TTPA: variants seen among roughly 807,000 people sequenced by gnomAD.
TTPA encodes the protein alpha-tocopherol transfer protein.
TTPA carries 23 observed loss-of-function variants against 25.9 expected under a neutral mutation model. That is an observed-to-expected ratio of 0.89 (90% confidence interval 0.64 to 1.26). The LOEUF is 1.26. TTPA is among the 50% of genes most tolerant of loss of function. The pLI is 0.00. For synonymous variants in TTPA, 148 were observed against 137.3 expected (o/e 1.08, Z -0.54); for missense variants, 337 against 353.1 (o/e 0.95, Z 0.37).
At chr8:63,078,628 A>G (rs1231287010) in intron 1 of TTPA, among the ~76,000 whole-genome samples, 1 of 152,218 alleles carries the variant, frequency 6.6e-6, no homozygotes, top group Admixed American at 6.5e-5. Flanking sequence ...CGAGAAGACA[A>G]GGTTAGAGAA....
chr8:63,077,783 G>A (rs187291719), intron 1 of TTPA, among the ~76,000 whole-genome samples: 1 of 152,318 alleles, frequency 6.6e-6, no homozygotes, highest in East Asian at 1.9e-4. Flanking sequence ...AAACGTCCCT[G>A]TCTGACAGTT....
intron 2 of TTPA, among the ~76,000 whole-genome samples, chr8:63,066,355 G>C (rs1292906867): frequency 6.6e-6 from 1 of 152,144 alleles, no homozygotes; most frequent in African/African-American, 2.4e-5. Context: ...TTGACTGCAA[G>C]ATGAAGTCAC....
At chr8:63,064,460 A>C (rs1042610767) in intron 3 of TTPA, 144 bp from the exon 4 acceptor site, 1 of 632,794 alleles carries the variant, frequency 1.6e-6, no homozygotes, top group African/African-American at 1.8e-5. Flanking sequence ...TTATTCCATC[A>C]GCACAAAAGC....
intron 2 of TTPA, among the ~76,000 whole-genome samples, chr8:63,070,507 C>G (rs1050507790): frequency 2.0e-5 from 3 of 152,166 alleles, no homozygotes; most frequent in Non-Finnish European, 4.4e-5. Context: ...CTGAGTTTCT[C>G]CCTTTCATCC....
rs189200001 is a variant in TTPA, at chr8:63,079,844, C to T, written c.204+5974G>A. On this transcript the variant is annotated intron_variant, in intron 1 of 4. Coordinates refer to ENST00000260116, the MANE Select transcript of TTPA (RefSeq NM_000370.3). The stretch of plus-strand genomic sequence containing the variant: ...CCTAACAGACATCTACAGCGCTCTC[C>T]ACCCCAAATCAACAGAATATACATT... Among the ~76,000 whole-genome samples, 40 of 152,312 alleles carry T rather than the reference C, an allele frequency of 2.6e-4. No individual in the cohort carries two copies. In the East Asian group the frequency reaches 6.0e-3, roughly 23 times the overall value.
At chr8:63,067,081 C>T (rs958490096) in intron 2 of TTPA, among the ~76,000 whole-genome samples, 2 of 150,760 alleles carry the variant, frequency 1.3e-5, no homozygotes, top group Admixed American at 6.6e-5. Context: ...TTTAAAGAAG[C>T]GTAATAGTTT....
chr8:63,064,509 C>A (rs1389914945), intron 3 of TTPA, among the ~76,000 whole-genome samples, 193 bp from the exon 4 acceptor site: 1 of 152,128 alleles, frequency 6.6e-6, no homozygotes, highest in Non-Finnish European at 1.5e-5. Flanking sequence ...AAGTAAAGAT[C>A]TCTAAAAAGG....
chr8:63,058,510 A>ATT (rs1208237909), downstream of TTPA, among the ~76,000 whole-genome samples: 2 of 152,246 alleles, frequency 1.3e-5, no homozygotes, highest in Non-Finnish European at 1.5e-5. Context: ...AACCTTTTAA[A>ATT]AGGCACTTCT....
At chr8:63,069,371 T>C (rs1018659328) in intron 2 of TTPA, among the ~76,000 whole-genome samples, 2 of 151,956 alleles carry the variant, frequency 1.3e-5, no homozygotes, top group South Asian at 4.1e-4. Flanking sequence ...ACCAACATAA[T>C]TGTTTGGCCT....
intron 1 of TTPA, among the ~76,000 whole-genome samples, chr8:63,081,161 T>C (rs1425678122): frequency 6.6e-6 from 1 of 152,142 alleles, no homozygotes; most frequent in Non-Finnish European, 1.5e-5. Context: ...ATCATCCTGA[T>C]ATCAAAGCCT....
At chr8:63,063,933 C>T (rs1805346884) in intron 4 of TTPA, among the ~76,000 whole-genome samples, 1 of 151,870 alleles carries the variant, frequency 6.6e-6, no homozygotes, top group Admixed American at 6.6e-5. Flanking sequence ...GCCACACTGC[C>T]CTCTATAGGA....
At chr8:63,068,510 T>C (rs2129752338) in intron 2 of TTPA, among the ~76,000 whole-genome samples, 1 of 152,310 alleles carries the variant, frequency 6.6e-6, no homozygotes, top group East Asian at 1.9e-4. Context: ...GTTACATTCA[T>C]TTCAGCAGGG....
Position 63,061,141 on chromosome 8 carries a change from T to G in TTPA, c.*111A>C. On this transcript the variant is annotated 3_prime_UTR_variant, in exon 5 of 5. Coordinates refer to ENST00000260116, the MANE Select transcript of TTPA (RefSeq NM_000370.3). ...TCAGAAGATTTCTACATTTTTAAAG[T>G]TCAGGCAAGCATTAGTTTAAAAGAT... The G allele has an allele frequency of 1.7e-6, 2 of 1,152,472 alleles. No homozygotes were observed. The highest frequency in any genetic ancestry group is 2.5e-6 in the Non-Finnish European group (2 of 792,040). The allele number at this position is 1,152,472 out of a possible 1,614,324, so 71.4% of individuals were successfully genotyped here. A position where few individuals can be genotyped will look rare whatever the true frequency, so the allele number is the denominator to read the frequency against.
rs137973503 is a variant in TTPA, at chr8:63,077,520, C to T, written c.205-4432G>A. 2.8e-3 allele frequency among the ~76,000 whole-genome samples: 433 copies of T among 152,366 alleles called. 3 individuals carry two copies. Among genetic ancestry groups the T allele is most frequent in the Middle Eastern group, 6.8e-3 (2 of 294 alleles). On this transcript the variant is annotated intron_variant, in intron 1 of 4. Coordinates refer to ENST00000260116, the MANE Select transcript of TTPA (RefSeq NM_000370.3). ...CAAGGAGATTCTCTCCTGTGCATGGCTTGGCGGGTCCAACACCCATGGAGC... is the reference window on the plus strand; with the variant it reads ...CAAGGAGATTCTCTCCTGTGCATGGTTTGGCGGGTCCAACACCCATGGAGC...
At position 63,060,228 on chromosome 8, in the gene TTPA, C is replaced by G. The variant is rs1196570120; in HGVS notation, c.*1024G>C. On this transcript the variant is annotated 3_prime_UTR_variant, in exon 5 of 5. Transcript: ENST00000260116. ...ATGATTCCATCCCTTTCCGTGTAGT[C>G]ATAAGAATGACCATAAGCAAAAGTT... The G allele has an allele frequency of 6.6e-6, 1 of 152,164 alleles. No homozygotes were observed. The highest frequency in any genetic ancestry group is 1.5e-5 in the Non-Finnish European group (1 of 68,036). The allele number at this position is 152,164 out of a possible 1,614,324, so 9.4% of individuals were successfully genotyped here. A position where few individuals can be genotyped will look rare whatever the true frequency, so the allele number is the denominator to read the frequency against.
At chr8:63,064,401 C>T (rs1585687118) in intron 3 of TTPA, 85 bp from the exon 4 acceptor site, 1 of 913,806 alleles carries the variant, frequency 1.1e-6, no homozygotes. Context: ...TGAACACTTG[C>T]TAAGCTTATG....
In TTPA at chr8:63,064,322, G is replaced by A. The variant is rs761911043; in HGVS notation, c.553-6C>T. ...ACTTTCAATGGAAATGAATCCTTTT[G>A]AAAATAAAAAAATCTTAATAACAAA... On this transcript the variant is annotated splice_polypyrimidine_tract_variant and splice_region_variant and intron_variant, in intron 3 of 4. Transcript: ENST00000260116. 19 of 1,593,496 alleles carry A rather than the reference G, an allele frequency of 1.2e-5. No homozygotes were observed. The highest frequency in any genetic ancestry group is 1.5e-5 in the Non-Finnish European group (17 of 1,163,790).
rs1805353614 is a variant in TTPA at position 63,064,259 on chromosome 8, G to A, written c.610C>T (p.His204Tyr). The A allele has an allele frequency of 1.9e-6, 3 of 1,613,044 alleles. No individual in the cohort carries two copies. Among genetic ancestry groups the A allele is most frequent in the East Asian group, 2.2e-5 (1 of 44,758 alleles). ...GGTTTGATCATGGAAAAGACAGCAT[G>A]GAAAATTACTGGTTCATTTATCAAA... ...IHLINEPVIF[H>Y]AVFSMIKPFL... Residue 204 changes from histidine (H) to tyrosine (Y), a missense_variant, in exon 4 of 5, where the codon CAT becomes TAT. Physicochemically the swap from His to Tyr is moderately conservative, Grantham distance 83. Transcript: ENST00000260116.
At chr8:63,078,473 C>T (rs1429346319) in intron 1 of TTPA, among the ~76,000 whole-genome samples, 2 of 152,108 alleles carry the variant, frequency 1.3e-5, no homozygotes, top group African/African-American at 4.8e-5. Flanking sequence ...CTAGAATAAA[C>T]AGTGTAGAGA....
Sources: gnomAD v4.1 joint callset for allele counts (sites outside exome capture counted in the v4.1 genomes callset) on GRCh38, gnomAD v4.1.1 for gene constraint, MANE v1.5 for transcripts, NCBI Gene and HGNC (gene_info 2026-07-23, HGNC 2026-07-21) for gene names.